Variants in FRAS1 observed in about 807,000 individuals in gnomAD.
FRAS1 encodes the protein extracellular matrix organizing protein FRAS1.
Under a neutral mutation model 435.2 loss-of-function variants are expected in FRAS1, and 290 were observed. That is an observed-to-expected ratio of 0.67 (90% confidence interval 0.61 to 0.73). FRAS1 has a LOEUF of 0.73. FRAS1 is among the 30% of genes least tolerant of loss of function. FRAS1 has a pLI of 0.00. For missense variants in FRAS1, 4,860 were observed against 5,001.5 expected, an observed-to-expected ratio of 0.97 and a Z score of 0.85; for synonymous variants, 1,800 against 1,851.0, an observed-to-expected ratio of 0.97 and a Z score of 0.71.
intron 9 of FRAS1, among the ~76,000 whole-genome samples, chr4:78,275,431 A>G (rs1283412323): frequency 6.6e-6 from 1 of 152,166 alleles, no homozygotes; most frequent in Non-Finnish European, 1.5e-5. Flanking sequence ...ACAATTTGGC[A>G]TGTTTTTGCA....
rs730882180 is a variant in FRAS1, at chr4:78,472,331, G to T, written c.7522+1G>T. ...AGAGCTGCTGCCACTTTCACCCAGG[G>T]TGGGGACTCTCTGGGAACTTAGAAA... is the stretch of plus-strand genomic sequence containing the variant. On this transcript the variant is annotated splice_donor_variant, in intron 52 of 73. Transcript: ENST00000512123. LOFTEE classifies it high-confidence loss of function. 6.3e-7 allele frequency: 1 copy of T among 1,599,326 alleles called. No individual in the cohort carries two copies. Among genetic ancestry groups the T allele is most frequent in the African/African-American group, 1.3e-5 (1 of 74,544 alleles).
chr4:78,406,597 C>T (rs781380942), intron 30 of FRAS1, among the ~76,000 whole-genome samples: 1 of 152,146 alleles, frequency 6.6e-6, no homozygotes, highest in Non-Finnish European at 1.5e-5. Context: ...GTCCCTTCTA[C>T]AATATGTGGG....
intron 16 of FRAS1, among the ~76,000 whole-genome samples, chr4:78,316,723 G>A (rs764607353): frequency 3.3e-5 from 5 of 152,224 alleles, no homozygotes; most frequent in Non-Finnish European, 7.3e-5. Flanking sequence ...TGTGGTCAGA[G>A]TCATTACTGT....
At chr4:78,214,090 G>A (rs1384806026) in intron 2 of FRAS1, among the ~76,000 whole-genome samples, 2 of 152,216 alleles carry the variant, frequency 1.3e-5, no homozygotes, top group Admixed American at 6.5e-5. Flanking sequence ...CTTTTCTGCT[G>A]TGGCTCCTTT....
rs753630532 is a variant in FRAS1 at position 78,337,801 on chromosome 4, C to T, written c.2406C>T (p.Leu802=). The change falls in exon 20 of 74, where the codon CTC becomes CTT. Residue 802 remains leucine (L), a synonymous_variant. Transcript: ENST00000512123. ...GCAGGGAAGAGCAGTTCCTCAACCT[C>T]GTGGGATACTGTGCTGGTGAGTGAA... ...TSCREEQFLN[L]VGYCADCHHL... is the part of the protein sequence containing the mutation. The T allele has an allele frequency of 2.1e-5, 34 of 1,613,774 alleles. No homozygotes were observed. The highest frequency in any genetic ancestry group is 8.9e-5 in the East Asian group (4 of 44,892).
chr4:78,126,050 C>A (rs1307546718), intron 2 of FRAS1, among the ~76,000 whole-genome samples: 1 of 152,196 alleles, frequency 6.6e-6, no homozygotes, highest in Admixed American at 6.5e-5. Context: ...GTTCGAGCTT[C>A]CCTGCTGCTT....
chr4:78,475,516 C>T lies in FRAS1; in HGVS notation c.7761C>T (p.Val2587=). The part of the protein sequence containing the change: ...RTGNLNQYAI[V]LCRTEQGTAS... ...GGAACCTGAACCAATATGCCATCGT[C>T]CTGTGTCGCACCGAGCAAGGCACCG... Residue 2587 remains valine (V), a synonymous_variant, in exon 54 of 74, where the codon GTC becomes GTT. Transcript: ENST00000512123. 6.2e-7 allele frequency: 1 copy of T among 1,613,900 alleles called. No individual in the cohort carries two copies. The highest frequency in any genetic ancestry group is 8.5e-7 in the Non-Finnish European group (1 of 1,179,828).
chr4:78,341,894 A>G (rs1266359487), intron 20 of FRAS1, among the ~76,000 whole-genome samples: 5 of 152,176 alleles, frequency 3.3e-5, no homozygotes, highest in African/African-American at 1.2e-4. Context: ...TACTCTAGCT[A>G]CTAGGAGCTT....
Position 78,472,310 on chromosome 4 carries a change from C to T in FRAS1, c.7502C>T (p.Ala2501Val). 1 of 1,607,346 alleles carries T rather than the reference C, an allele frequency of 6.2e-7. No homozygotes were observed. Among genetic ancestry groups the T allele is most frequent in the Non-Finnish European group, 8.5e-7 (1 of 1,175,474 alleles). ...GAGAACAAGCTGCAGCCTGGCAGAG[C>T]TGCTGCCACTTTCACCCAGGGTGGG... ...FVENKLQPGR[A>V]AATFTQEDVN... Residue 2501 changes from alanine to valine, a missense_variant, in exon 52 of 74, where the codon GCT (alanine) becomes GTT (valine). Transcript: ENST00000512123.
At chr4:78,412,684 T>A (rs1733387954) in intron 31 of FRAS1, among the ~76,000 whole-genome samples, 1 of 152,226 alleles carries the variant, frequency 6.6e-6, no homozygotes, top group South Asian at 2.1e-4. Context: ...TATCAACATA[T>A]GAATATTCAC....
In FRAS1 at chr4:78,472,258, A is replaced by G; in HGVS notation, c.7450A>G (p.Thr2484Ala). 6.2e-7 allele frequency: 1 copy of G among 1,613,810 alleles called. No individual in the cohort carries two copies. Among genetic ancestry groups the G allele is most frequent in the Non-Finnish European group, 8.5e-7 (1 of 1,179,768 alleles). ...GGACGCGCAGCTTGTCTATGAGATA[A>G]CGACGGGCCCTAAGCATGGCTTTGT... ...TEDAQLVYEI[T>A]TGPKHGFVEN... Residue 2484 changes from threonine (T) to alanine (A), a missense_variant, in exon 52 of 74, where the codon ACG (threonine) becomes GCG (alanine). Thr to Ala is a moderately conservative substitution (Grantham distance 58). Coordinates refer to ENST00000512123, the MANE Select transcript of FRAS1 (RefSeq NM_025074.7).
At chr4:78,464,936 C>T (rs576824135) in intron 49 of FRAS1, among the ~76,000 whole-genome samples, 1 of 152,292 alleles carries the variant, frequency 6.6e-6, no homozygotes, top group East Asian at 1.9e-4. Context: ...CAGGGATTTT[C>T]TATACCTATA....
chr4:78,505,982 C>T (rs1357788398), intron 61 of FRAS1, among the ~76,000 whole-genome samples: 4 of 152,172 alleles, frequency 2.6e-5, no homozygotes, highest in Non-Finnish European at 5.9e-5. Flanking sequence ...TTCTAATAGT[C>T]AGATCCCTCA....
intron 1 of FRAS1, among the ~76,000 whole-genome samples, chr4:78,059,997 C>T (rs1490416253): frequency 6.6e-6 from 1 of 152,080 alleles, no homozygotes. Context: ...ATAGCTGTTT[C>T]ACAAATTGGA....
At chr4:78,364,131 TCTTA>T in intron 22 of FRAS1, 77 bp downstream of exon 22, 1 of 1,454,348 alleles carries the variant, frequency 6.9e-7, no homozygotes, top group South Asian at 1.3e-5. Flanking sequence ...AATGCGAGGT[TCTTA>T]CTTCCATCTT....
chr4:78,388,652 T>A (rs1335077537), intron 29 of FRAS1, among the ~76,000 whole-genome samples: 1 of 151,708 alleles, frequency 6.6e-6, no homozygotes. Context: ...TTTTTTTTTT[T>A]TTTAAATTAG....
Position 78,204,186 on chromosome 4 carries a change from G to A in FRAS1, c.109-33324G>A, listed in dbSNP as rs1207502949. 2.6e-5 allele frequency among the ~76,000 whole-genome samples: 4 copies of A among 152,176 alleles called. 1 individual carries two copies. Among genetic ancestry groups the A allele is most frequent in the South Asian group, 4.1e-4 (2 of 4,830 alleles). On this transcript the variant is annotated intron_variant, in intron 2 of 73. Transcript: ENST00000512123. ...TATATATTGATCAGTTGATGAAAAT[G>A]TTGTGATCAGAGGCTCATGGAATCC...
At chr4:78,411,075 A>G (rs1733313959) in intron 31 of FRAS1, among the ~76,000 whole-genome samples, 1 of 151,766 alleles carries the variant, frequency 6.6e-6, no homozygotes, top group African/African-American at 2.4e-5. Context: ...TTTTTTCTTT[A>G]AAGCAGGAAA....
At chr4:78,354,417 G>C (rs1189253867) in intron 20 of FRAS1, among the ~76,000 whole-genome samples, 1 of 152,178 alleles carries the variant, frequency 6.6e-6, no homozygotes, top group Non-Finnish European at 1.5e-5. Flanking sequence ...TACATGATTT[G>C]TAACAGCTTA....
Sources: allele counts gnomAD v4.1 joint callset (sites outside exome capture counted in the v4.1 genomes callset), GRCh38; gene constraint gnomAD v4.1.1; transcripts MANE v1.5; gene names NCBI Gene and HGNC (gene_info 2026-07-23, HGNC 2026-07-21).